Variants in FILIP1 observed in about 807,000 individuals in gnomAD.
The protein encoded by FILIP1 is filamin-A-interacting protein 1.
Under a neutral mutation model 102.1 loss-of-function variants are expected in FILIP1, and 61 were observed. The observed-to-expected ratio is 0.60, with a 90% CI of 0.49 to 0.74. FILIP1 has a LOEUF of 0.74. Ranked by LOEUF, FILIP1 falls within the 30% of genes least tolerant of loss-of-function variation. The probability of loss-of-function intolerance (pLI) is 0.00; values close to 1 mark genes in which losing one functional copy is unlikely to be tolerated. For synonymous variants in FILIP1, 491 were observed against 526.9 expected, an observed-to-expected ratio of 0.93 and a Z score of 0.93; for missense variants, 1,314 against 1,441.2, an observed-to-expected ratio of 0.91 and a Z score of 1.43.
In FILIP1 at chr6:75,312,849, C is replaced by T. The variant is rs372671237; in HGVS notation, c.2983G>A (p.Gly995Arg). The T allele has an allele frequency of 1.5e-5, 24 of 1,614,080 alleles. No homozygotes were observed. In the African/African-American group the frequency reaches 2.7e-4, roughly 18 times the overall value. Residue 995 changes from glycine (G) to arginine (R), a missense_variant, in exon 5 of 6, where the codon GGA (glycine) becomes AGA (arginine). Around this residue, in one of 3 missense-constraint regions of FILIP1, gnomAD observed 816 missense variants for 913.1 expected, o/e 0.89. Transcript: ENST00000237172. The stretch of plus-strand genomic sequence containing the variant: ...GGCCTGTCTGCAAATGCGCCTCTTC[C>T]ACTTTCTGGAGTCTTCTCTCTGGAA... Reference protein sequence around the residue: ...TFSREKTPESGRGAFADRPTS... With the variant: ...TFSREKTPESRRGAFADRPTS...
At chr6:75,304,288 T>C (rs1055631733), downstream of FILIP1, among the ~76,000 whole-genome samples, 12 of 152,180 alleles carry the variant, frequency 7.9e-5, no homozygotes, top group African/African-American at 2.9e-4. Flanking sequence ...TATCTCTCAC[T>C]GTGACCTCTG....
chr6:75,315,994 A>G (rs376260883), intron 4 of FILIP1, among the ~76,000 whole-genome samples: 29 of 152,360 alleles, frequency 1.9e-4, no homozygotes, highest in African/African-American at 6.5e-4. Flanking sequence ...CAGAACTGGC[A>G]CAGGATTTTT....
intron 2 of FILIP1, among the ~76,000 whole-genome samples, chr6:75,372,669 GAA>G (rs1268790231): frequency 4.5e-4 from 26 of 57,150 alleles, no homozygotes; most frequent in African/African-American, 2.6e-3. Context: ...AAGAAAGAAA[GAA>G]AGAAAGAAAG....
chr6:75,293,902 A>C (rs1441265997), exon 7 of FILIP1: 1 of 152,198 alleles, frequency 6.6e-6, no homozygotes, highest in Non-Finnish European at 1.5e-5. Context: ...ATTACAGTCA[A>C]CATTTTCAGA....
At chr6:75,435,354 T>C (rs2998391) in intron 1 of FILIP1, among the ~76,000 whole-genome samples, 105,705 of 152,118 alleles carry the variant, frequency 0.69, 37,484 homozygotes, top group African/African-American at 0.84. Context: ...CTTCAGAAGA[T>C]GATTTTAAAT....
intron 1 of FILIP1, among the ~76,000 whole-genome samples, chr6:75,441,528 A>T (rs937244221): frequency 1.3e-5 from 2 of 151,626 alleles, no homozygotes; most frequent in Admixed American, 1.3e-4. Context: ...GGCCGGGTAG[A>T]GGGGCTCCTC....
rs538349389 is a variant in FILIP1, at chr6:75,358,402, T to C, written c.450+4342A>G. 4 of 152,296 alleles carry C rather than the reference T, an allele frequency of 2.6e-5. No individual in the cohort carries two copies. In the South Asian group the frequency reaches 8.3e-4, roughly 32 times the overall value. The allele number at this position is 152,296 out of a possible 1,614,324, so 9.4% of individuals were successfully genotyped here. A position where few individuals can be genotyped will look rare whatever the true frequency, so the allele number is the denominator to read the frequency against. ...TCAGACATTGTTGAATCAGAATGCG[T>C]GCCCAGAGAAGATAGAGACAGGAGA... On this transcript the variant is annotated intron_variant, in intron 3 of 5. Transcript: ENST00000237172.
chr6:75,396,419 G>A (rs879299797), intron 2 of FILIP1, among the ~76,000 whole-genome samples: 12 of 152,074 alleles, frequency 7.9e-5, no homozygotes, highest in Non-Finnish European at 1.2e-4. Context: ...GAAGTAAAGC[G>A]GTGGCAGTGG....
intron 4 of FILIP1, among the ~76,000 whole-genome samples, chr6:75,326,108 T>TAGAC (rs1554200322): frequency 6.7e-6 from 1 of 149,994 alleles, no homozygotes; most frequent in Non-Finnish European, 1.5e-5. Flanking sequence ...GATAGATAGA[T>TAGAC]AGAGAGATAG....
chr6:75,405,419 A>G (rs558377923), intron 2 of FILIP1, among the ~76,000 whole-genome samples: 14 of 152,178 alleles, frequency 9.2e-5, no homozygotes, highest in African/African-American at 3.4e-4. Flanking sequence ...CAAACAAAAA[A>G]CCCAGAAAAT....
At position 75,308,650 on chromosome 6, in the gene FILIP1, A is replaced by G. The variant is rs752199966; in HGVS notation, c.*41T>C. 6.2e-7 allele frequency: 1 copy of G among 1,606,604 alleles called. No individual in the cohort carries two copies. The highest frequency in any genetic ancestry group is 1.7e-5 in the Admixed American group (1 of 59,858). ...ACAGATGAAGGTTCACTTTCACGGC[A>G]GCAGTAGCATCTGCACAACATACCC... On this transcript the variant is annotated 3_prime_UTR_variant, in exon 6 of 6. Transcript: ENST00000237172.
At chr6:75,450,379 T>A (rs935885319) in intron 1 of FILIP1, among the ~76,000 whole-genome samples, 7 of 152,126 alleles carry the variant, frequency 4.6e-5, no homozygotes, top group Non-Finnish European at 8.8e-5. Flanking sequence ...CCAAGTGAAG[T>A]GTCTCGCACC....
At chr6:75,437,424 T>C (rs1012604094) in intron 1 of FILIP1, among the ~76,000 whole-genome samples, 1 of 152,238 alleles carries the variant, frequency 6.6e-6, no homozygotes, top group African/African-American at 2.4e-5. Flanking sequence ...TAAAGCTTAG[T>C]TCATAAGAAT....
At chr6:75,325,251 A>G (rs186006014) in intron 4 of FILIP1, among the ~76,000 whole-genome samples, 210 of 152,148 alleles carry the variant, frequency 1.4e-3, no homozygotes, top group African/African-American at 3.3e-3. Context: ...GTGAAGCCCT[A>G]TCTCTACTAA....
chr6:75,421,945 T>A (rs1338536751), intron 1 of FILIP1, among the ~76,000 whole-genome samples: 1 of 152,144 alleles, frequency 6.6e-6, no homozygotes, highest in Admixed American at 6.6e-5. Flanking sequence ...GGATCTGTGA[T>A]CTTACAGCGT....
chr6:75,368,446 A>G (rs917781182), intron 2 of FILIP1, among the ~76,000 whole-genome samples: 1 of 152,230 alleles, frequency 6.6e-6, no homozygotes, highest in Admixed American at 6.5e-5. Flanking sequence ...CATTGTATTC[A>G]GTATTGGAGA....
chr6:75,313,393 T>C lies in FILIP1; in HGVS notation c.2439A>G (p.Glu813=), dbSNP rs1773285090. The C allele has an allele frequency of 6.2e-7, 1 of 1,614,218 alleles. No homozygotes were observed. The highest frequency in any genetic ancestry group is 2.2e-5 in the East Asian group (1 of 44,876). Residue 813 remains glutamate, a synonymous_variant, in exon 5 of 6, where the codon GAA becomes GAG. Transcript: ENST00000237172. This position sits in a 1 kb window ranked among gnomAD's most constrained non-coding sequence, Gnocchi z 4.2. ...TGVQTDAVSG[E]AAEEETPAVF... ...CAGCTGGCGTTTCTTCCTCTGCTGC[T>C]TCACCGCTGACTGCATCAGTTTGGA...
In FILIP1 at chr6:75,363,081, T is replaced by C. The variant is rs780872424; in HGVS notation, c.277-164A>G. 141 of 581,606 alleles carry C rather than the reference T, an allele frequency of 2.4e-4. No homozygotes were observed. The Middle Eastern group carries it at 2.5e-3, about 10-fold the overall frequency. The allele number at this position is 581,606 out of a possible 1,614,324, so 36.0% of individuals were successfully genotyped here. A position where few individuals can be genotyped will look rare whatever the true frequency, so the allele number is the denominator to read the frequency against. On this transcript the variant is annotated intron_variant, in intron 2 of 5. Coordinates refer to ENST00000237172, the MANE Select transcript of FILIP1 (RefSeq NM_015687.5). ...ATTTTTTTTTTTAACCAAAAGCAGA[T>C]TGGCAAGCAGATACTCTGCTTCAGG...
In FILIP1 at chr6:75,351,539, A is replaced by C. The variant is rs550449120; in HGVS notation, c.629+2000T>G. 2.6e-5 allele frequency among the ~76,000 whole-genome samples: 4 copies of C among 152,308 alleles called. No individual in the cohort carries two copies. In the East Asian group the frequency reaches 7.7e-4, roughly 29 times the overall value. Reference sequence around the variant, plus strand: ...CCCCCATTGTATCCCATAAGATTATAATACTATATTTTTACTTTACCTTTG... The same window carrying C: ...CCCCCATTGTATCCCATAAGATTATCATACTATATTTTTACTTTACCTTTG... On this transcript the variant is annotated intron_variant, in intron 4 of 5. Transcript: ENST00000237172.
Sources: allele counts gnomAD v4.1 joint callset (sites outside exome capture counted in the v4.1 genomes callset), GRCh38; gene constraint gnomAD v4.1.1; regional missense constraint gnomAD v4.1.1; non-coding constraint Gnocchi (gnomAD v3.1); transcripts MANE v1.5; gene names NCBI Gene and HGNC (gene_info 2026-07-23, HGNC 2026-07-21).